Variants in ANO6 observed in about 807,000 individuals in gnomAD.
ANO6 encodes the protein anoctamin-6.
ANO6 carries 106 observed loss-of-function variants against 117.5 expected under a neutral mutation model. The ratio of observed to expected loss-of-function variants is 0.90; its 90% confidence interval spans 0.77 to 1.06. The LOEUF is 1.06. Ranked by LOEUF, ANO6 falls within the 50% of genes least tolerant of loss-of-function variation. The pLI, the probability that ANO6 is intolerant of heterozygous loss-of-function variation, is 0.00. For synonymous variants in ANO6, 367 were observed against 385.1 expected (o/e 0.95, Z 0.55); for missense variants, 955 against 1,121.1 (o/e 0.85, Z 2.12).
In ANO6 at chr12:45,350,725, T is replaced by A. The variant is rs768289344; in HGVS notation, c.814T>A (p.Trp272Arg). The A allele has an allele frequency of 1.2e-6, 2 of 1,613,838 alleles. No homozygotes were observed. Among genetic ancestry groups the A allele is most frequent in the Non-Finnish European group, 1.7e-6 (2 of 1,179,816 alleles). ...TGAACGGTACCTTCTGTACAGAGAA[T>A]GGGCTCATCCTCGAAGCATATACAA... Reference protein sequence around the residue: ...PNERYLLYREWAHPRSIYKKQ... With the variant: ...PNERYLLYRERAHPRSIYKKQ... Residue 272 changes from tryptophan (W) to arginine (R), a missense_variant, in exon 7 of 20, where the codon TGG (tryptophan) becomes AGG (arginine). Transcript: ENST00000320560.
chr12:45,412,810 C>G (rs1006671329), intron 16 of ANO6, among the ~76,000 whole-genome samples: 1 of 152,242 alleles, frequency 6.6e-6, no homozygotes, highest in Non-Finnish European at 1.5e-5. Context: ...CCTCACGGAG[C>G]TCAGCGCTTG....
intron 2 of ANO6, among the ~76,000 whole-genome samples, chr12:45,306,562 G>A (rs990122354): frequency 1.2e-4 from 19 of 152,232 alleles, no homozygotes; most frequent in Middle Eastern, 3.4e-3. Flanking sequence ...CTCCCTTTTT[G>A]AAGGAAGATA....
downstream of ANO6, among the ~76,000 whole-genome samples, chr12:45,436,962 G>A (rs942254023): frequency 2.0e-5 from 3 of 151,978 alleles, no homozygotes; most frequent in African/African-American, 7.3e-5. Context: ...GTGAAACTCT[G>A]TCCAAAAAAA....
chr12:45,363,626 T>G (rs1677727380), intron 8 of ANO6, among the ~76,000 whole-genome samples: 1 of 152,084 alleles, frequency 6.6e-6, no homozygotes, highest in South Asian at 2.1e-4. Flanking sequence ...CTGATATGAT[T>G]TGGCTGTGTC....
In ANO6 at chr12:45,431,020, T is replaced by TTGA; in HGVS notation, c.*1711_*1713dup. On this transcript the variant is annotated 3_prime_UTR_variant, in exon 20 of 20. Transcript: ENST00000320560. Reference sequence around the variant, plus strand: ...AAAGTAGCGTAACTCTAGGTCATGATTGATTTCAAATGCCTGCCATGAATG... The same window carrying TTGA: ...AAAGTAGCGTAACTCTAGGTCATGATTGATGATTTCAAATGCCTGCCATGAATG... The TTGA allele has an allele frequency of 1.0e-6, 1 of 985,440 alleles. No homozygotes were observed. Among genetic ancestry groups the TTGA allele is most frequent in the African/African-American group, 1.7e-5 (1 of 57,354 alleles). The allele number at this position is 985,440 out of a possible 1,614,324, so 61.0% of individuals were successfully genotyped here. A position where few individuals can be genotyped will look rare whatever the true frequency, so the allele number is the denominator to read the frequency against.
chr12:45,265,371 A>T (rs767103644), intron 1 of ANO6, among the ~76,000 whole-genome samples: 1 of 152,026 alleles, frequency 6.6e-6, no homozygotes, highest in Non-Finnish European at 1.5e-5. Flanking sequence ...ACTTGAGGAG[A>T]CCCTGAAGTG....
At chr12:45,289,084 C>T (rs974497693) in intron 1 of ANO6, among the ~76,000 whole-genome samples, 12 of 151,462 alleles carry the variant, frequency 7.9e-5, no homozygotes, top group African/African-American at 2.9e-4. Context: ...ATAGCTGTAC[C>T]CTAATTGATT....
At chr12:45,408,391 A>G (rs113418762) in intron 15 of ANO6, among the ~76,000 whole-genome samples, 233 of 152,302 alleles carry the variant, frequency 1.5e-3, no homozygotes, top group African/African-American at 5.1e-3. Context: ...TTTTACTGCC[A>G]ACTCAGATTT....
intron 12 of ANO6, 123 bp downstream of exon 12, chr12:45,390,621 C>A: frequency 1.2e-6 from 1 of 861,568 alleles, no homozygotes; most frequent in Non-Finnish European, 1.9e-6. Context: ...TATATGGTCT[C>A]AGAGAGACAG....
intron 12 of ANO6, among the ~76,000 whole-genome samples, chr12:45,394,624 C>G (rs141404463): frequency 2.6e-5 from 4 of 152,104 alleles, no homozygotes; most frequent in African/African-American, 7.2e-5. Context: ...TGTGAAAGAA[C>G]AGAAATCACA....
At chr12:45,388,069 A>G in intron 10 of ANO6, 92 bp from the exon 11 acceptor site, 1 of 1,523,980 alleles carries the variant, frequency 6.6e-7, no homozygotes, top group Non-Finnish European at 9.1e-7. Context: ...AAAACAGGCC[A>G]GTACAATGGA....
intron 1 of ANO6, among the ~76,000 whole-genome samples, chr12:45,273,822 G>A (rs1938463429): frequency 6.6e-6 from 1 of 152,176 alleles, no homozygotes; most frequent in Non-Finnish European, 1.5e-5. Context: ...CTTGGAAACA[G>A]AGGCATAGTG....
chr12:45,439,585 C>A, intron 19 of ANO6: 2 of 1,176,140 alleles, frequency 1.7e-6, no homozygotes, highest in Non-Finnish European at 2.2e-6. Context: ...TACTAACACT[C>A]ATTTTCATTC....
At chr12:45,269,639 G>A (rs1197063237) in intron 1 of ANO6, among the ~76,000 whole-genome samples, 10 of 152,158 alleles carry the variant, frequency 6.6e-5, no homozygotes. Flanking sequence ...AGTCAACCAT[G>A]CAAATCAATT....
chr12:45,248,023 A>G (rs1211291470), intron 1 of ANO6, among the ~76,000 whole-genome samples: 2 of 152,222 alleles, frequency 1.3e-5, no homozygotes, highest in South Asian at 2.1e-4. Flanking sequence ...TCTCATTTCT[A>G]TGAGTTTTGT....
At chr12:45,371,065 G>A (rs1042497315) in intron 9 of ANO6, among the ~76,000 whole-genome samples, 6 of 152,188 alleles carry the variant, frequency 3.9e-5, no homozygotes, top group Admixed American at 6.5e-5. Context: ...AAGGGGTCAG[G>A]GAGTTCCCTT....
At chr12:45,350,872 A>G (rs1158187955) in intron 7 of ANO6, 98 bp downstream of exon 7, 2 of 1,054,540 alleles carry the variant, frequency 1.9e-6, no homozygotes, top group African/African-American at 1.6e-5. Flanking sequence ...TTGCCAGTGA[A>G]GGGAGCTGAC....
intron 2 of ANO6, among the ~76,000 whole-genome samples, chr12:45,305,179 T>C (rs1565676962): frequency 6.6e-6 from 1 of 152,142 alleles, no homozygotes. Flanking sequence ...GTGTTGAAAC[T>C]AGAAACTGTG....
intron 1 of ANO6, among the ~76,000 whole-genome samples, 155 bp downstream of exon 1, chr12:45,216,546 C>T (rs575558091): frequency 7.2e-5 from 11 of 152,326 alleles, no homozygotes; most frequent in Middle Eastern, 3.4e-3. Flanking sequence ...TCCCCGGCTG[C>T]TTGCAGACTG....
Sources: allele counts gnomAD v4.1 joint callset (sites outside exome capture counted in the v4.1 genomes callset), GRCh38; gene constraint gnomAD v4.1.1; transcripts MANE v1.5; gene names NCBI Gene and HGNC (gene_info 2026-07-23, HGNC 2026-07-21).